The following RERE variants were observed in gnomAD, a reference collection of about 807,000 sequenced individuals.
RERE encodes arginine-glutamic acid dipeptide repeats.
In RERE, 40 loss-of-function variants were observed where a neutral mutation model predicts 146.1. The observed-to-expected ratio is 0.27, with a 90% CI of 0.21 to 0.36. RERE has a LOEUF of 0.36. RERE is among the 10% of genes least tolerant of loss of function. RERE has a pLI of 1.00. For synonymous variants in RERE, 1,003 were observed against 866.0 expected (o/e 1.16, Z -2.78); for missense variants, 1,933 against 2,138.7 (o/e 0.90, Z 1.90).
intron 1 of RERE, among the ~76,000 whole-genome samples, chr1:8,706,014 G>A (rs1233809081): frequency 1.3e-5 from 2 of 150,814 alleles, no homozygotes; most frequent in South Asian, 2.1e-4. Flanking sequence ...TACTAGGGAG[G>A]CTAAGGCAGG....
chr1:8,355,370 A>G, intron 22 of RERE, 49 bp downstream of exon 22: 1 of 1,589,034 alleles, frequency 6.3e-7, no homozygotes, highest in African/African-American at 1.3e-5. Context: ...GGAGGTTGGG[A>G]GCCTGGGCTC....
intron 4 of RERE, among the ~76,000 whole-genome samples, chr1:8,587,583 C>G (rs1198758206): frequency 1.3e-5 from 2 of 152,168 alleles, no homozygotes; most frequent in Admixed American, 1.3e-4. Context: ...TCCCAATTTG[C>G]TCTATCTCTA....
chr1:8,645,950 T>C (rs1178778991), intron 2 of RERE, among the ~76,000 whole-genome samples: 1 of 152,232 alleles, frequency 6.6e-6, no homozygotes, highest in Non-Finnish European at 1.5e-5. Flanking sequence ...AAAAGTTAAC[T>C]AATGTAATCC....
At chr1:8,523,349 T>C (rs902346779) in intron 7 of RERE, among the ~76,000 whole-genome samples, 2 of 152,242 alleles carry the variant, frequency 1.3e-5, no homozygotes, top group African/African-American at 4.8e-5. Context: ...ATTACAATGA[T>C]AAGAACAACT....
chr1:8,560,017 C>A (rs1330332879), intron 4 of RERE, among the ~76,000 whole-genome samples: 1 of 152,084 alleles, frequency 6.6e-6, no homozygotes, highest in Non-Finnish European at 1.5e-5. Flanking sequence ...ATTTTGTCTC[C>A]AAGAAAACTT....
rs1442389944 is a variant in RERE, at chr1:8,358,090, T to A, written c.4339+106A>T. 3 of 1,485,156 alleles carry A rather than the reference T, an allele frequency of 2.0e-6. No individual in the cohort carries two copies. The Admixed American group carries it at 6.6e-5, about 33-fold the overall frequency. The allele number at this position is 1,485,156 out of a possible 1,614,324, so 92.0% of individuals were successfully genotyped here. A position where few individuals can be genotyped will look rare whatever the true frequency, so the allele number is the denominator to read the frequency against. ...TCTAAGATCTGCCAGGGATGAGGGA[T>A]CTGTTCAGAAAAGAACAGTTTCCGC... On this transcript the variant is annotated intron_variant, in intron 20 of 22. Coordinates refer to ENST00000400908, the MANE Select transcript of RERE (RefSeq NM_001042681.2).
intron 16 of RERE, 40 bp from the exon 17 acceptor site, chr1:8,361,916 G>A: frequency 7.1e-7 from 1 of 1,399,570 alleles, no homozygotes; most frequent in Non-Finnish European, 1.0e-6. Context: ...CAGGCCAAGG[G>A]AGACCATCCC....
chr1:8,509,052 T>G (rs952472343), intron 7 of RERE, among the ~76,000 whole-genome samples: 1 of 152,152 alleles, frequency 6.6e-6, no homozygotes, highest in Non-Finnish European at 1.5e-5. Context: ...GTAGCTAGGA[T>G]TTCAGGTGCC....
intron 3 of RERE, among the ~76,000 whole-genome samples, chr1:8,615,591 T>TTA (rs1262852875): frequency 6.6e-6 from 1 of 152,182 alleles, no homozygotes; most frequent in African/African-American, 2.4e-5. Flanking sequence ...ATCCCAATAC[T>TTA]TATATAAGAA....
intron 6 of RERE, among the ~76,000 whole-genome samples, chr1:8,542,523 G>A (rs369356421): frequency 6.6e-6 from 1 of 152,130 alleles, no homozygotes; most frequent in Non-Finnish European, 1.5e-5. Flanking sequence ...TTAAGTACCT[G>A]TAACCAAAGC....
intron 16 of RERE, among the ~76,000 whole-genome samples, chr1:8,362,354 G>A (rs929457916): frequency 1.2e-4 from 19 of 152,190 alleles, no homozygotes; most frequent in African/African-American, 4.6e-4. Context: ...TATCCTGGGC[G>A]GTGGAGGCTC....
intron 12 of RERE, among the ~76,000 whole-genome samples, chr1:8,402,160 C>T (rs1643284440): frequency 1.3e-5 from 2 of 152,230 alleles, no homozygotes; most frequent in African/African-American, 4.8e-5. Context: ...AGCCGCTGCG[C>T]CCGGCCAACG....
intron 1 of RERE, among the ~76,000 whole-genome samples, chr1:8,736,869 A>C (rs948281429): frequency 6.6e-5 from 10 of 151,172 alleles, no homozygotes; most frequent in East Asian, 1.9e-4. Flanking sequence ...AAAAAAAAAA[A>C]AAAAAACTAA....
intron 12 of RERE, among the ~76,000 whole-genome samples, chr1:8,406,829 G>T (rs1376463152): frequency 6.6e-6 from 1 of 151,930 alleles, no homozygotes; most frequent in Non-Finnish European, 1.5e-5. Flanking sequence ...GAAGTACTAC[G>T]TACATATATA....
At chr1:8,652,631 G>C (rs537327258) in intron 2 of RERE, among the ~76,000 whole-genome samples, 38 of 152,282 alleles carry the variant, frequency 2.5e-4, no homozygotes, top group Non-Finnish European at 3.5e-4. Context: ...TCATATGACA[G>C]TAAGAGAGAG....
At chr1:8,468,078 A>G (rs1027924945) in intron 10 of RERE, among the ~76,000 whole-genome samples, 1 of 152,240 alleles carries the variant, frequency 6.6e-6, no homozygotes, top group Non-Finnish European at 1.5e-5. Flanking sequence ...TACATTAGCT[A>G]TAAGAATAAA....
rs1641934599 is a variant in RERE, at chr1:8,817,280, AGGGGCGGCCCGCG to A, written c.-278_-266del. 6.6e-6 allele frequency: 1 copy of A among 150,692 alleles called. No individual in the cohort carries two copies. Among genetic ancestry groups the A allele is most frequent in the Non-Finnish European group, 1.5e-5 (1 of 67,750 alleles). The allele number at this position is 150,692 out of a possible 1,614,324, so 9.3% of individuals were successfully genotyped here. ...CGGGGCCGCGGGGCGCAGGGCCGAGAGGGGCGGCCCGCGGGGAGGCGACGCGGAGGGGCTGAGG... is the reference window on the plus strand; with the variant it reads ...CGGGGCCGCGGGGCGCAGGGCCGAGAGGGAGGCGACGCGGAGGGGCTGAGG... On this transcript the variant is annotated 5_prime_UTR_variant, in exon 1 of 23. Coordinates refer to ENST00000400908, the MANE Select transcript of RERE (RefSeq NM_001042681.2).
intron 1 of RERE, among the ~76,000 whole-genome samples, chr1:8,793,200 T>C: frequency 8.0e-6 from 1 of 124,346 alleles, no homozygotes; most frequent in African/African-American, 2.9e-5. Flanking sequence ...GAAAGAAGGC[T>C]CTATTTTGAT....
intron 7 of RERE, among the ~76,000 whole-genome samples, chr1:8,510,651 TTC>T (rs1258887821): frequency 1.3e-5 from 2 of 152,228 alleles, no homozygotes; most frequent in Non-Finnish European, 2.9e-5. Context: ...ACTTGTCCTT[TTC>T]TATTTTCTAA....
Sources: gnomAD v4.1 joint callset for allele counts (sites outside exome capture counted in the v4.1 genomes callset) on GRCh38, gnomAD v4.1.1 for gene constraint, MANE v1.5 for transcripts, NCBI Gene and HGNC (gene_info 2026-07-23, HGNC 2026-07-21) for gene names.